PCDHA3: variants seen among roughly 807,000 people sequenced by gnomAD.
The protein encoded by PCDHA3 is protocadherin alpha-3.
Under a neutral mutation model 62.2 loss-of-function variants are expected in PCDHA3, and 41 were observed. The ratio of observed to expected loss-of-function variants is 0.66; its 90% CI spans 0.51 to 0.86. The LOEUF is 0.86. PCDHA3 is among the 40% of genes least tolerant of loss of function. The pLI, the probability that PCDHA3 is intolerant of heterozygous loss-of-function variation, is 0.00. For missense variants in PCDHA3, 1,304 were observed against 1,241.2 expected (o/e 1.05, Z -0.76); for synonymous variants, 640 against 555.4 (o/e 1.15, Z -2.14).
chr5:140,803,859 T>C lies in PCDHA3; in HGVS notation c.2394+268T>C, dbSNP rs1763294322. 3 of 578,102 alleles carry C rather than the reference T, an allele frequency of 5.2e-6. No individual in the cohort carries two copies. The South Asian group carries it at 6.9e-5, about 13-fold the overall frequency. 35.8% of individuals were successfully genotyped at this position (578,102 alleles called of 1,614,324 possible). A position where few individuals can be genotyped will look rare whatever the true frequency, so the allele number is the denominator to read the frequency against. ...ATTATTTTATTGCTAAATGCCTGGG[T>C]ATAAGACAAATATTTTTTCTTAGAT... On this transcript the variant is annotated intron_variant, in intron 1 of 3. Coordinates refer to ENST00000522353, the MANE Select transcript of PCDHA3 (RefSeq NM_018906.3).
intron 1 of PCDHA3, chr5:140,807,742 T>A (rs1554124240): frequency 8.1e-6 from 13 of 1,614,190 alleles, no homozygotes; most frequent in Non-Finnish European, 1.0e-5. Context: ...AACCACCTGA[T>A]GACGAGCTGG....
In PCDHA3 at chr5:140,877,150, G is replaced by T. The variant is rs370292278; in HGVS notation, c.2394+73559G>T. On this transcript the variant is annotated intron_variant, in intron 1 of 3. Coordinates refer to ENST00000522353, the MANE Select transcript of PCDHA3 (RefSeq NM_018906.3). Reference sequence around the variant, plus strand: ...GCAGGTGTTCGTGCTGGACGAGAACGACAACGCGCCGGCACTGCTGGCGAC... The same window carrying T: ...GCAGGTGTTCGTGCTGGACGAGAACTACAACGCGCCGGCACTGCTGGCGAC... 1.7e-5 allele frequency: 27 copies of T among 1,613,672 alleles called. No homozygotes were observed. Among genetic ancestry groups the T allele is most frequent in the Non-Finnish European group, 2.2e-5 (26 of 1,179,864 alleles).
chr5:140,903,279 A>C (rs940299316), intron 1 of PCDHA3, among the ~76,000 whole-genome samples: 1 of 152,170 alleles, frequency 6.6e-6, no homozygotes, highest in East Asian at 1.9e-4. Flanking sequence ...GTAGTGTCTC[A>C]TTGTGCATTA....
intron 1 of PCDHA3, chr5:140,804,249 C>T (rs1477277450): frequency 6.6e-6 from 1 of 152,016 alleles, no homozygotes. Flanking sequence ...GGAAAAAAAT[C>T]GAGAATAACA....
intron 1 of PCDHA3, chr5:140,823,668 C>T: frequency 6.2e-7 from 1 of 1,614,060 alleles, no homozygotes; most frequent in South Asian, 1.1e-5. Context: ...GCGAGATCAG[C>T]ACAACACGCT....
chr5:140,836,336 G>A (rs1346966791), intron 1 of PCDHA3: 4 of 1,613,640 alleles, frequency 2.5e-6, no homozygotes, highest in Admixed American at 1.7e-5. Context: ...TGGTGCTTGT[G>A]AAGGACCACG....
intron 1 of PCDHA3, among the ~76,000 whole-genome samples, chr5:140,919,430 T>C (rs935963449): frequency 1.3e-5 from 2 of 152,196 alleles, no homozygotes; most frequent in Non-Finnish European, 2.9e-5. Flanking sequence ...TGCCTTTTGA[T>C]TGGGTTCTTT....
chr5:140,857,857 C>T lies in PCDHA3; in HGVS notation c.2394+54266C>T, dbSNP rs1415276512. On this transcript the variant is annotated intron_variant, in intron 1 of 3. Transcript: ENST00000522353. ...CAGTGGACGCTGACTCTGGATACAA[C>T]GCGTGGCTGTCGTATGAATTGCAGT... 10 of 1,597,784 alleles carry T rather than the reference C, an allele frequency of 6.3e-6. 2 individuals are homozygous for T. Among genetic ancestry groups the T allele is most frequent in the African/African-American group, 1.3e-5 (1 of 74,362 alleles).
At chr5:140,928,690 A>G in intron 1 of PCDHA3, 3 of 1,614,180 alleles carry the variant, frequency 1.9e-6, no homozygotes, top group Non-Finnish European at 2.5e-6. Flanking sequence ...TTCCTACCAC[A>G]TCTCCCGGGC....
chr5:140,887,565 T>C (rs1214384060), intron 1 of PCDHA3, among the ~76,000 whole-genome samples: 2 of 152,180 alleles, frequency 1.3e-5, no homozygotes, highest in Admixed American at 1.3e-4. Context: ...TTAAAACTTT[T>C]CTTTTTATCC....
intron 1 of PCDHA3, among the ~76,000 whole-genome samples, chr5:140,942,069 A>G (rs1384507706): frequency 1.3e-5 from 2 of 152,234 alleles, no homozygotes; most frequent in Non-Finnish European, 2.9e-5. Flanking sequence ...TAATTGAGCC[A>G]AGAGAGCACA....
intron 1 of PCDHA3, among the ~76,000 whole-genome samples, chr5:140,890,396 A>C (rs1466548320): frequency 1.3e-5 from 2 of 152,134 alleles, no homozygotes; most frequent in African/African-American, 4.8e-5. Context: ...ATAATCTATA[A>C]ATTTTAACTT....
chr5:140,841,669 T>A, intron 1 of PCDHA3: 1 of 1,614,020 alleles, frequency 6.2e-7, no homozygotes, highest in East Asian at 2.2e-5. Flanking sequence ...CGCTGCAGGT[T>A]TTCCATGTGG....
At chr5:140,803,860 A>G in intron 1 of PCDHA3, 2 of 576,076 alleles carry the variant, frequency 3.5e-6, no homozygotes, top group Non-Finnish European at 6.0e-6. Flanking sequence ...ATGCCTGGGT[A>G]TAAGACAAAT....
chr5:140,966,514 A>G (rs2096013065), intron 1 of PCDHA3: 1 of 434,820 alleles, frequency 2.3e-6, no homozygotes, highest in Non-Finnish European at 4.0e-6. Flanking sequence ...CAGCAGCAGC[A>G]GGAAGCCGAG....
At chr5:140,982,359 C>T in intron 2 of PCDHA3, 116 bp from the exon 3 acceptor site, 1 of 1,523,712 alleles carries the variant, frequency 6.6e-7, no homozygotes. Context: ...CAAGCATGAG[C>T]AGAATGTGTT....
intron 1 of PCDHA3, chr5:140,863,161 C>T (rs1554157875): frequency 3.1e-6 from 2 of 650,330 alleles, no homozygotes; most frequent in East Asian, 4.4e-5. Flanking sequence ...CCACTGCGAG[C>T]TGGCGCTGAC....
chr5:140,808,348 C>A, intron 1 of PCDHA3: 3 of 1,614,258 alleles, frequency 1.9e-6, no homozygotes. Flanking sequence ...TGGTCACCTG[C>A]TCCTTGACGT....
Position 140,850,860 on chromosome 5 carries a change from C to A in PCDHA3, c.2394+47269C>A, listed in dbSNP as rs2150500728. ...TGGATCTACAGAGCGAACGGGAGAACCCTCTGCTTCCTCAGATTCAACTGG... is the reference window on the plus strand; with the variant it reads ...TGGATCTACAGAGCGAACGGGAGAAACCTCTGCTTCCTCAGATTCAACTGG... On this transcript the variant is annotated intron_variant, in intron 1 of 3. Coordinates refer to ENST00000522353, the MANE Select transcript of PCDHA3 (RefSeq NM_018906.3). The A allele has an allele frequency of 3.1e-6, 5 of 1,593,234 alleles. 1 individual carries two copies. Among genetic ancestry groups the A allele is most frequent in the Non-Finnish European group, 4.3e-6 (5 of 1,164,206 alleles).
Sources: allele counts gnomAD v4.1 joint callset (sites outside exome capture counted in the v4.1 genomes callset), GRCh38; gene constraint gnomAD v4.1.1; transcripts MANE v1.5; gene names NCBI Gene and HGNC (gene_info 2026-07-23, HGNC 2026-07-21).